GUCY2F: variants seen among roughly 807,000 people sequenced by gnomAD.
GUCY2F encodes guanylate cyclase 2F, retinal, also known as retinal guanylyl cyclase 2.
A neutral mutation model predicts 73.1 loss-of-function variants in GUCY2F; 61 were observed. The ratio of observed to expected loss-of-function variants is 0.83; its 90% CI spans 0.68 to 1.03. GUCY2F has a LOEUF of 1.03. GUCY2F is among the 50% of genes least tolerant of loss of function. The pLI, the probability that GUCY2F is intolerant of heterozygous loss-of-function variation, is 0.00. For missense variants in GUCY2F, 912 were observed against 854.3 expected (o/e 1.07, Z -0.84); for synonymous variants, 331 against 307.8 (o/e 1.08, Z -0.79).
chrX:109,376,533 C>T (rs937086576), intron 17 of GUCY2F, among the ~76,000 whole-genome samples: 1 of 112,096 alleles, frequency 8.9e-6, no homozygotes, highest in African/African-American at 3.2e-5. Context: ...ACCCGCTTAC[C>T]GTCTCATTCA....
At chrX:109,387,943 T>A (rs990728343) in intron 15 of GUCY2F, among the ~76,000 whole-genome samples, 5 of 111,106 alleles carry the variant, frequency 4.5e-5, no homozygotes, top group Non-Finnish European at 9.4e-5. Flanking sequence ...TGGTGAGAAC[T>A]GAAGTCAGAT....
chrX:109,376,268 G>T (rs2147248105), intron 17 of GUCY2F, 101 bp from the exon 18 acceptor site: 1 of 552,801 alleles, frequency 1.8e-6, no homozygotes, highest in South Asian at 2.8e-5. Context: ...ACCACTCCCT[G>T]GAGTCTTCCT....
intron 6 of GUCY2F, among the ~76,000 whole-genome samples, chrX:109,446,550 A>G (rs58208875): frequency 0.04 from 4,392 of 109,116 alleles, 339 homozygotes; most frequent in African/African-American, 0.14. Flanking sequence ...CATAAATGGT[A>G]CTGGGAAAAC....
At position 109,375,977 on chromosome X, in the gene GUCY2F, G is replaced by A. The variant is rs771690296; in HGVS notation, c.3249C>T (p.Gly1083=). 1 of 1,204,853 alleles carries A rather than the reference G, an allele frequency of 8.3e-7. No individual in the cohort carries two copies. The highest frequency in any genetic ancestry group is 2.2e-5 in the Admixed American group (1 of 46,079). The change falls in exon 19 of 20, where the codon GGC becomes GGT. Residue 1083 remains glycine, a synonymous_variant. Coordinates refer to ENST00000218006, the MANE Select transcript of GUCY2F (RefSeq NM_001522.3). ...CAATCTCCACTGGTTGCAGGCCATG[G>A]CCCACTTGCCTGCAGGGCAGGGGAG... is the stretch of plus-strand genomic sequence containing the variant. The part of the protein sequence containing the change: ...PPPVDKDGQV[G]HGLQPVEIAA...
intron 10 of GUCY2F, among the ~76,000 whole-genome samples, chrX:109,402,593 G>T (rs1162642344): frequency 9.0e-6 from 1 of 111,002 alleles, no homozygotes; most frequent in African/African-American, 3.3e-5. Flanking sequence ...GGTTGGTCTC[G>T]AACTCCTGAC....
intron 7 of GUCY2F, among the ~76,000 whole-genome samples, chrX:109,440,632 A>C: frequency 8.9e-6 from 1 of 111,959 alleles, no homozygotes; most frequent in Non-Finnish European, 1.9e-5. Flanking sequence ...AGAAGGCCTC[A>C]CTTAGAAGGA....
chrX:109,395,701 G>A (rs768862269), intron 11 of GUCY2F, among the ~76,000 whole-genome samples: 1 of 111,928 alleles, frequency 8.9e-6, no homozygotes, highest in Non-Finnish European at 1.9e-5. Flanking sequence ...AAATTAATCA[G>A]TTGGACTCTT....
intron 7 of GUCY2F, among the ~76,000 whole-genome samples, chrX:109,431,984 A>G (rs760537917): frequency 6.8e-4 from 75 of 110,679 alleles, no homozygotes; most frequent in Non-Finnish European, 1.3e-3. Context: ...GTACCGGATC[A>G]GTGCCTGCCT....
intron 9 of GUCY2F, among the ~76,000 whole-genome samples, chrX:109,407,057 C>G (rs992671771): frequency 8.9e-6 from 1 of 112,081 alleles, no homozygotes; most frequent in African/African-American, 3.2e-5. Flanking sequence ...GAGGTTGGAA[C>G]AGTTTGGAGG....
chrX:109,429,431 AAAAG>A (rs1326444408), intron 8 of GUCY2F, among the ~76,000 whole-genome samples: 4 of 109,532 alleles, frequency 3.7e-5, no homozygotes, highest in African/African-American at 1.3e-4. Flanking sequence ...AAAAAAAAAG[AAAAG>A]AAAGAAAGAA....
chrX:109,373,675 C>T (rs1394356241), intron 19 of GUCY2F, among the ~76,000 whole-genome samples: 1 of 112,167 alleles, frequency 8.9e-6, no homozygotes, highest in Non-Finnish European at 1.9e-5. Flanking sequence ...ACTGCCAAGT[C>T]CTCCTGAACA....
chrX:109,401,614 G>A (rs777845019), intron 10 of GUCY2F, among the ~76,000 whole-genome samples: 2 of 111,743 alleles, frequency 1.8e-5, no homozygotes, highest in South Asian at 7.7e-4. Flanking sequence ...CCTGTTTCCT[G>A]CCCCCACAGA....
chrX:109,452,048 TAGAC>T lies in GUCY2F; in HGVS notation c.1443_1446del (p.Ser482LeufsTer8). On this transcript the variant is annotated frameshift_variant, in exon 5 of 20. Coordinates refer to ENST00000218006, the MANE Select transcript of GUCY2F (RefSeq NM_001522.3). LOFTEE classifies it high-confidence loss of function. ...CTTATAAAGTAAGCAAATCCATTAA[TAGAC>T]AGCAGGGCTATAAGCAAAGTAAGGC... is the stretch of plus-strand genomic sequence containing the variant. The T allele has an allele frequency of 9.1e-7, 1 of 1,102,810 alleles. No individual in the cohort carries two copies. The highest frequency in any genetic ancestry group is 1.8e-5 in the African/African-American group (1 of 55,615). 90.9% of individuals were successfully genotyped at this position (1,102,810 alleles called of 1,213,427 possible). A position where few individuals can be genotyped will look rare whatever the true frequency, so the allele number is the denominator to read the frequency against.
At chrX:109,420,648 C>A (rs116109294) in intron 8 of GUCY2F, among the ~76,000 whole-genome samples, 2,032 of 111,522 alleles carry the variant, frequency 0.018, 44 homozygotes, top group African/African-American at 0.062. Context: ...ATGTTTAAGA[C>A]TGGGCAAAAA....
At chrX:109,429,011 G>A (rs560103496) in intron 8 of GUCY2F, among the ~76,000 whole-genome samples, 22 of 112,112 alleles carry the variant, frequency 2.0e-4, no homozygotes, top group African/African-American at 6.1e-4. Context: ...TTTGGATTAC[G>A]AAACCAGTGT....
intron 7 of GUCY2F, among the ~76,000 whole-genome samples, chrX:109,438,177 G>C (rs2147271519): frequency 8.9e-6 from 1 of 112,319 alleles, no homozygotes; most frequent in South Asian, 3.8e-4. Flanking sequence ...CAAGATCAAG[G>C]TACCAGCAGG....
intron 5 of GUCY2F, among the ~76,000 whole-genome samples, chrX:109,449,907 T>G (rs1200170398): frequency 9.0e-6 from 1 of 110,608 alleles, no homozygotes; most frequent in Non-Finnish European, 1.9e-5. Context: ...TGTCTTTCTT[T>G]CTGAAAAAAA....
chrX:109,450,154 T>C (rs1932106364), intron 5 of GUCY2F, among the ~76,000 whole-genome samples: 1 of 111,179 alleles, frequency 9.0e-6, no homozygotes, highest in African/African-American at 3.3e-5. Context: ...CTGAGTTTTC[T>C]GTGACCATTT....
intron 14 of GUCY2F, among the ~76,000 whole-genome samples, chrX:109,389,972 T>C (rs148492709): frequency 1.8e-5 from 2 of 112,032 alleles, no homozygotes; most frequent in East Asian, 5.6e-4. Flanking sequence ...CTTGTGCAAT[T>C]TGAGGAAAGG....
Sources: gnomAD v4.1 joint callset for allele counts (sites outside exome capture counted in the v4.1 genomes callset) on GRCh38, gnomAD v4.1.1 for gene constraint, MANE v1.5 for transcripts, NCBI Gene and HGNC (gene_info 2026-07-23, HGNC 2026-07-21) for gene names.